JARID2: variants seen among roughly 807,000 people sequenced by gnomAD.
The protein encoded by JARID2 is protein Jumonji.
Under a neutral mutation model 125.6 loss-of-function variants are expected in JARID2, and 21 were observed. The observed-to-expected ratio is 0.17, with a 90% CI of 0.12 to 0.24. JARID2 has a LOEUF of 0.24. Among genes scored for constraint, JARID2 ranks in the 10% least tolerant of loss-of-function variants. The pLI is 1.00. For synonymous variants in JARID2, 736 were observed against 661.6 expected, an observed-to-expected ratio of 1.11 and a Z score of -1.73; for missense variants, 1,303 against 1,639.6, an observed-to-expected ratio of 0.79 and a Z score of 3.55.
intron 2 of JARID2, among the ~76,000 whole-genome samples, chr6:15,379,857 C>G (rs1316029567): frequency 6.6e-6 from 1 of 152,144 alleles, no homozygotes; most frequent in East Asian, 1.9e-4. Context: ...ATCAGACCTC[C>G]CATGCTTTCT....
chr6:15,267,332 G>C (rs1760124327), intron 1 of JARID2, among the ~76,000 whole-genome samples: 1 of 152,122 alleles, frequency 6.6e-6, no homozygotes, highest in Non-Finnish European at 1.5e-5. Context: ...TCTACATAGA[G>C]ATAGCTCAAA....
At chr6:15,403,651 G>A (rs930383827) in intron 2 of JARID2, among the ~76,000 whole-genome samples, 2 of 152,156 alleles carry the variant, frequency 1.3e-5, no homozygotes, top group Non-Finnish European at 2.9e-5. Context: ...TGTTAATAAT[G>A]AACACTGTGT....
intron 3 of JARID2, among the ~76,000 whole-genome samples, chr6:15,450,856 G>T (rs549999287): frequency 6.6e-6 from 1 of 152,166 alleles, no homozygotes; most frequent in Non-Finnish European, 1.5e-5. Context: ...TGTTAAAAAA[G>T]AACAAACTGG....
chr6:15,266,813 C>G (rs1760100940), intron 1 of JARID2, among the ~76,000 whole-genome samples: 1 of 152,154 alleles, frequency 6.6e-6, no homozygotes, highest in South Asian at 2.1e-4. Context: ...CGCCAGTGGC[C>G]TGCCTCCTAG....
chr6:15,259,207 G>A (rs183881042), intron 1 of JARID2, among the ~76,000 whole-genome samples: 1 of 152,342 alleles, frequency 6.6e-6, no homozygotes, highest in East Asian at 1.9e-4. Flanking sequence ...CTCCAGGCAA[G>A]ATGTACCCTT....
chr6:15,519,913 G>A (rs1166615252), intron 17 of JARID2, among the ~76,000 whole-genome samples, 156 bp from the exon 18 acceptor site: 6 of 152,140 alleles, frequency 3.9e-5, no homozygotes, highest in African/African-American at 1.4e-4. Context: ...GAGACTCACT[G>A]CATCTGAGCC....
chr6:15,291,699 G>A (rs117213434), intron 1 of JARID2, among the ~76,000 whole-genome samples: 1 of 152,128 alleles, frequency 6.6e-6, no homozygotes, highest in Non-Finnish European at 1.5e-5. Context: ...ATTCTAAAAT[G>A]TTGTTTTCTC....
intron 3 of JARID2, among the ~76,000 whole-genome samples, chr6:15,419,870 A>T (rs1285160937): frequency 6.6e-6 from 1 of 152,208 alleles, no homozygotes; most frequent in Non-Finnish European, 1.5e-5. Flanking sequence ...TTTGAGATTC[A>T]TTGAGTGTAT....
intron 4 of JARID2, among the ~76,000 whole-genome samples, chr6:15,466,028 T>C (rs1245883976): frequency 6.6e-6 from 1 of 152,350 alleles, no homozygotes; most frequent in African/African-American, 2.4e-5. Context: ...GGTCTCGAAC[T>C]CCTGACCTCA....
intron 5 of JARID2, among the ~76,000 whole-genome samples, chr6:15,481,545 C>T (rs898948921): frequency 2.6e-5 from 4 of 152,078 alleles, no homozygotes; most frequent in African/African-American, 9.7e-5. Context: ...GTAAAACTGG[C>T]AGGTTCCCAC....
intron 3 of JARID2, among the ~76,000 whole-genome samples, chr6:15,432,322 G>C (rs1412698275): frequency 1.3e-5 from 2 of 152,094 alleles, no homozygotes; most frequent in Non-Finnish European, 2.9e-5. Context: ...CAGCTACTCG[G>C]TAGGCTGAGG....
chr6:15,496,850 C>T lies in JARID2; in HGVS notation c.1625C>T (p.Ala542Val), dbSNP rs778583499. Reference protein sequence around the residue: ...SVHKPQDSGKAEKGGGKAGWA... With the variant: ...SVHKPQDSGKVEKGGGKAGWA... ...CACAAGCCGCAGGACTCGGGCAAGG[C>T]CGAGAAGGGCGGCGGCAAGGCCGGG... is the stretch of plus-strand genomic sequence containing the variant. Residue 542 changes from alanine to valine, a missense_variant, in exon 7 of 18, where the codon GCC becomes GTC. Physicochemically the swap from Ala to Val is moderately conservative, Grantham distance 64 (BLOSUM62 0). Transcript: ENST00000341776. 1 of 1,601,460 alleles carries T rather than the reference C, an allele frequency of 6.2e-7. No homozygotes were observed. The highest frequency in any genetic ancestry group is 2.2e-5 in the East Asian group (1 of 44,654).
chr6:15,443,706 A>T (rs572295211), intron 3 of JARID2, among the ~76,000 whole-genome samples: 218 of 152,308 alleles, frequency 1.4e-3, no homozygotes, highest in African/African-American at 5.0e-3. Flanking sequence ...TTCAGGTACC[A>T]CTTGTTTTTT....
chr6:15,289,955 A>G (rs1761144961), intron 1 of JARID2, among the ~76,000 whole-genome samples: 1 of 152,244 alleles, frequency 6.6e-6, no homozygotes, highest in Admixed American at 6.5e-5. Flanking sequence ...CTTCATGGAA[A>G]GAAGGAGGGA....
intron 4 of JARID2, among the ~76,000 whole-genome samples, chr6:15,466,810 C>T (rs1768762665): frequency 6.6e-6 from 1 of 152,052 alleles, no homozygotes; most frequent in Non-Finnish European, 1.5e-5. Context: ...ATTTTTTTCT[C>T]TTTCTCTTTT....
intron 2 of JARID2, among the ~76,000 whole-genome samples, chr6:15,378,139 A>T (rs1764439142): frequency 6.7e-6 from 1 of 148,724 alleles, no homozygotes; most frequent in Non-Finnish European, 1.5e-5. Flanking sequence ...CGCCCACCTC[A>T]GCCTCCCAAA....
chr6:15,482,330 C>T (rs1470929402), intron 5 of JARID2, among the ~76,000 whole-genome samples: 1 of 152,056 alleles, frequency 6.6e-6, no homozygotes, highest in Non-Finnish European at 1.5e-5. Context: ...ATTGAGGGAC[C>T]CCAAAAGGCT....
In JARID2 at chr6:15,248,895, G is replaced by A. The variant is rs1225444783; in HGVS notation, c.45+2311G>A. The A allele has an allele frequency of 7.1e-6, 7 of 985,242 alleles. No individual in the cohort carries two copies. The East Asian group carries it at 6.8e-4, about 96-fold the overall frequency. The allele number at this position is 985,242 out of a possible 1,614,324, so 61.0% of individuals were successfully genotyped here. The stretch of plus-strand genomic sequence containing the variant: ...CTGCCGCAGAGCCGGGCTGCGGCGT[G>A]GGAGGAGGAAGAGGAGGAAGATGCG... On this transcript the variant is annotated intron_variant, in intron 1 of 17. Transcript: ENST00000341776.
chr6:15,501,183 C>G lies in JARID2; in HGVS notation c.2222C>G (p.Thr741Arg). 1.2e-6 allele frequency: 2 copies of G among 1,614,136 alleles called. No homozygotes were observed. Among genetic ancestry groups the G allele is most frequent in the South Asian group, 2.2e-5 (2 of 91,086 alleles). ...CGCAAGGGGCCGCTGGAAGGCCACACAGAGAACGACCACCACAAGTTCCAC... is the reference window on the plus strand; with the variant it reads ...CGCAAGGGGCCGCTGGAAGGCCACAGAGAGAACGACCACCACAAGTTCCAC... ...EKRKGPLEGH[T>R]ENDHHKFHPL... The change falls in exon 8 of 18, where the codon ACA becomes AGA. Residue 741 changes from threonine (T) to arginine (R), a missense_variant. By Grantham distance (71) the Thr-to-Arg change is moderately conservative (BLOSUM62 -1). Coordinates refer to ENST00000341776, the MANE Select transcript of JARID2 (RefSeq NM_004973.4).
Sources: gnomAD v4.1 joint callset for allele counts (sites outside exome capture counted in the v4.1 genomes callset) on GRCh38, gnomAD v4.1.1 for gene constraint, MANE v1.5 for transcripts, NCBI Gene and HGNC (gene_info 2026-07-23, HGNC 2026-07-21) for gene names.